The following DOCK2 variants were observed in gnomAD, a reference collection of about 807,000 sequenced individuals.
DOCK2 encodes the protein dedicator of cytokinesis protein 2.
In DOCK2, 87 loss-of-function variants were observed where a neutral mutation model predicts 248.9. The observed-to-expected ratio is 0.35, with a 90% CI of 0.29 to 0.42. The LOEUF (loss-of-function observed/expected upper bound fraction) is 0.42. Ranked by LOEUF, DOCK2 falls within the 10% of genes least tolerant of loss-of-function variation. The pLI is 1.00. For synonymous variants in DOCK2, 805 were observed against 821.6 expected (o/e 0.98, Z 0.35); for missense variants, 1,747 against 2,300.2 (o/e 0.76, Z 4.92).
chr5:170,056,978 C>G, intron 43 of DOCK2: 1 of 540,340 alleles, frequency 1.9e-6, no homozygotes, highest in Non-Finnish European at 3.3e-6. Context: ...AATACAGAAC[C>G]CAGGCCTCAT....
chr5:169,716,199 G>T lies in DOCK2; in HGVS notation c.1942-14G>T. ...TTGTTTCTGAAGTAGTGCAACCTTTGTTATTTCTTCCAGTTTCTCCAGGAT... is the reference window on the plus strand; with the variant it reads ...TTGTTTCTGAAGTAGTGCAACCTTTTTTATTTCTTCCAGTTTCTCCAGGAT... On this transcript the variant is annotated splice_polypyrimidine_tract_variant and intron_variant, in intron 19 of 51. Coordinates refer to ENST00000520908, the MANE Select transcript of DOCK2 (RefSeq NM_004946.3). 1.2e-6 allele frequency: 2 copies of T among 1,612,598 alleles called. No individual in the cohort carries two copies. Among genetic ancestry groups the T allele is most frequent in the Non-Finnish European group, 8.5e-7 (1 of 1,178,886 alleles).
At chr5:170,067,818 C>T in intron 45 of DOCK2, 132 bp downstream of exon 45, 1 of 991,872 alleles carries the variant, frequency 1.0e-6, no homozygotes, top group Non-Finnish European at 1.5e-6. Context: ...GGACCCTCAG[C>T]TTGGTTGGCC....
chr5:169,790,166 G>C (rs112079279), intron 25 of DOCK2, among the ~76,000 whole-genome samples: 2,079 of 152,156 alleles, frequency 0.014, 25 homozygotes, highest in Middle Eastern at 0.048. Flanking sequence ...TGAAATGAAG[G>C]GCCCCTCTGT....
At chr5:169,649,172 C>A (rs1040217322) in intron 1 of DOCK2, among the ~76,000 whole-genome samples, 3 of 152,246 alleles carry the variant, frequency 2.0e-5, no homozygotes, top group African/African-American at 7.2e-5. Context: ...CAATTACATT[C>A]TTTCTCCATT....
chr5:170,038,757 T>C (rs1756407418), intron 36 of DOCK2, among the ~76,000 whole-genome samples: 1 of 152,202 alleles, frequency 6.6e-6, no homozygotes, highest in Non-Finnish European at 1.5e-5. Context: ...TTGGGTTCTG[T>C]AGCAGATCAT....
At chr5:169,804,437 AGTGTGTGT>A (rs55660700) in intron 26 of DOCK2, among the ~76,000 whole-genome samples, 3,771 of 134,618 alleles carry the variant, frequency 0.028, 68 homozygotes, top group Admixed American at 0.043. Flanking sequence ...AGAGCTACAA[AGTGTGTGT>A]GTGTGTGTGT....
rs141223850 is a variant in DOCK2, at chr5:169,645,430, A to C, written c.43+8061A>C. Among the ~76,000 whole-genome samples, 16 of 152,306 alleles carry C rather than the reference A, an allele frequency of 1.1e-4. No individual in the cohort carries two copies. In the East Asian group the frequency reaches 2.1e-3, roughly 20 times the overall value. On this transcript the variant is annotated intron_variant, in intron 1 of 51. Transcript: ENST00000520908. ...GCCACATAAATGTCTTCTTTCTAGA[A>C]GTGTCTGTTTATATCCTTTGTCCAC...
chr5:169,867,193 G>A (rs1290800252), intron 27 of DOCK2, among the ~76,000 whole-genome samples: 1 of 152,234 alleles, frequency 6.6e-6, no homozygotes, highest in Non-Finnish European at 1.5e-5. Flanking sequence ...CATTCCTCCA[G>A]GGTATGGGCA....
rs868488198 is a variant in DOCK2, at chr5:169,934,811, T to C, written c.2800-48257T>C. On this transcript the variant is annotated intron_variant, in intron 27 of 51. Coordinates refer to ENST00000520908, the MANE Select transcript of DOCK2 (RefSeq NM_004946.3). ...GTTAGTTTCATTATTATCTGTATGA[T>C]AAATTGATTGTAGTGTCATCTGCAA... 14 of 438,330 alleles carry C rather than the reference T, an allele frequency of 3.2e-5. No individual in the cohort carries two copies. In the Middle Eastern group the frequency reaches 1.3e-3, roughly 42 times the overall value. 27.2% of individuals were successfully genotyped at this position (438,330 alleles called of 1,614,324 possible). A position where few individuals can be genotyped will look rare whatever the true frequency, so the allele number is the denominator to read the frequency against.
chr5:169,864,565 A>G, intron 27 of DOCK2: 1 of 906,698 alleles, frequency 1.1e-6, no homozygotes, highest in Non-Finnish European at 1.6e-6. Context: ...CTTTGGGATC[A>G]AATCCTAGAT....
At chr5:169,934,257 G>A (rs1775885896) in intron 27 of DOCK2, among the ~76,000 whole-genome samples, 1 of 152,166 alleles carries the variant, frequency 6.6e-6, no homozygotes, top group Non-Finnish European at 1.5e-5. Context: ...GGAACAAGAA[G>A]AGTCCCTTCT....
intron 34 of DOCK2, among the ~76,000 whole-genome samples, chr5:170,030,193 G>A (rs1357605536): frequency 1.3e-5 from 2 of 152,198 alleles, no homozygotes; most frequent in African/African-American, 4.8e-5. Flanking sequence ...ATGATCAGCA[G>A]GGTTTTCAAA....
intron 19 of DOCK2, among the ~76,000 whole-genome samples, chr5:169,714,680 G>A (rs1327427837): frequency 6.6e-6 from 1 of 152,104 alleles, no homozygotes; most frequent in Non-Finnish European, 1.5e-5. Flanking sequence ...CAATGGTTAT[G>A]CTCAATCTCT....
chr5:170,036,585 C>T, intron 36 of DOCK2, 30 bp downstream of exon 36: 2 of 1,608,694 alleles, frequency 1.2e-6, no homozygotes, highest in Non-Finnish European at 8.5e-7. Context: ...AAATCCAGAC[C>T]TGCTGTGTCA....
chr5:169,723,131 T>C (rs1159208316), intron 22 of DOCK2, among the ~76,000 whole-genome samples: 19 of 152,170 alleles, frequency 1.2e-4, no homozygotes. Flanking sequence ...ATTACAGACC[T>C]GCTTATTTGG....
chr5:169,862,410 A>C (rs1187483645), intron 27 of DOCK2, among the ~76,000 whole-genome samples: 1 of 152,250 alleles, frequency 6.6e-6, no homozygotes, highest in Non-Finnish European at 1.5e-5. Context: ...ATAAAATTAC[A>C]TAAGAGGTCC....
intron 27 of DOCK2, among the ~76,000 whole-genome samples, chr5:169,980,967 C>CGGTGT (rs1380596055): frequency 6.6e-6 from 1 of 152,088 alleles, no homozygotes; most frequent in Non-Finnish European, 1.5e-5. Flanking sequence ...TAGTCATTTA[C>CGGTGT]GGTGTGTGGG....
At chr5:169,811,934 C>T (rs914728431) in intron 26 of DOCK2, among the ~76,000 whole-genome samples, 1 of 152,222 alleles carries the variant, frequency 6.6e-6, no homozygotes, top group African/African-American at 2.4e-5. Flanking sequence ...ATCCATTCCA[C>T]AAATATTTAG....
Position 170,021,254 on chromosome 5 carries a change from G to C in DOCK2, c.3381+2146G>C, listed in dbSNP as rs562962133. On this transcript the variant is annotated intron_variant, in intron 33 of 51. Transcript: ENST00000520908. ...GGATTGAGTGTTTGAAGGCAGCTTGGAATTTGCTGCCTTTTAAGTGGGAGC... is the reference window on the plus strand; with the variant it reads ...GGATTGAGTGTTTGAAGGCAGCTTGCAATTTGCTGCCTTTTAAGTGGGAGC... 1.0e-3 allele frequency among the ~76,000 whole-genome samples: 153 copies of C among 152,180 alleles called. 1 individual carries two copies. The highest frequency in any genetic ancestry group is 1.6e-3 in the Non-Finnish European group (108 of 68,020).
Sources: gnomAD v4.1 joint callset for allele counts (sites outside exome capture counted in the v4.1 genomes callset) on GRCh38, gnomAD v4.1.1 for gene constraint, MANE v1.5 for transcripts, NCBI Gene and HGNC (gene_info 2026-07-23, HGNC 2026-07-21) for gene names.